The following CRACR2A variants were observed in gnomAD, a reference collection of about 807,000 sequenced individuals.
CRACR2A encodes the protein EF-hand calcium-binding domain-containing protein 4B.
In CRACR2A, 79 loss-of-function variants were observed where a neutral mutation model predicts 90.5. That is an observed-to-expected ratio of 0.87 (90% CI 0.73 to 1.05). CRACR2A has a LOEUF of 1.05. CRACR2A is among the 50% of genes least tolerant of loss of function. The probability of loss-of-function intolerance (pLI) is 0.00; values close to 1 mark genes in which losing one functional copy is unlikely to be tolerated. For missense variants in CRACR2A, 823 were observed against 897.2 expected (o/e 0.92, Z 1.06); for synonymous variants, 338 against 356.7 (o/e 0.95, Z 0.59).
intron 15 of CRACR2A, among the ~76,000 whole-genome samples, chr12:3,629,617 C>A (rs556079264): frequency 6.6e-6 from 1 of 152,306 alleles, no homozygotes; most frequent in Admixed American, 6.5e-5. Flanking sequence ...GCAGCTGGGT[C>A]CTGGCTGCCC....
At position 3,644,632 on chromosome 12, in the gene CRACR2A, T is replaced by C. The variant is rs1248948615; in HGVS notation, c.1127A>G (p.Asn376Ser). The change falls in exon 12 of 20, where the codon AAC becomes AGC. Residue 376 changes from asparagine to serine, a missense_variant. Asn to Ser is a conservative substitution (Grantham distance 46). Coordinates refer to ENST00000440314, the MANE Select transcript of CRACR2A (RefSeq NM_001144958.2). ...LKQLDFLRER[N>S]KHLRDERDIC... ...GTCCCGTTCATCCCGAAGGTGCTTG[T>C]TCCTTTCCCTGTGGATGGTAAAGGG... is the stretch of plus-strand genomic sequence containing the variant. The C allele has an allele frequency of 6.4e-7, 1 of 1,551,522 alleles. No homozygotes were observed. Among genetic ancestry groups the C allele is most frequent in the African/African-American group, 1.4e-5 (1 of 73,026 alleles).
At chr12:3,678,671 A>G (rs1945382541) in intron 6 of CRACR2A, among the ~76,000 whole-genome samples, 1 of 151,978 alleles carries the variant, frequency 6.6e-6, no homozygotes, top group African/African-American at 2.4e-5. Flanking sequence ...GGGGTGGGAG[A>G]GAAGGAGAAT....
At position 3,646,616 on chromosome 12, in the gene CRACR2A, C is replaced by T. The variant is rs1944691799; in HGVS notation, c.1118+1926G>A. Among the ~76,000 whole-genome samples, 5 of 152,166 alleles carry T rather than the reference C, an allele frequency of 3.3e-5. No homozygotes were observed. The South Asian group carries it at 8.3e-4, about 25-fold the overall frequency. On this transcript the variant is annotated intron_variant, in intron 11 of 19. Transcript: ENST00000440314. ...CACAGCCAGGGCCTTCAGAATAAGT[C>T]AGGAGGGACATGGAGGTTATTTCAC...
intron 15 of CRACR2A, among the ~76,000 whole-genome samples, chr12:3,629,619 T>C (rs1318267772): frequency 6.6e-6 from 1 of 152,202 alleles, no homozygotes; most frequent in Non-Finnish European, 1.5e-5. Flanking sequence ...AGCTGGGTCC[T>C]GGCTGCCCTC....
intron 2 of CRACR2A, among the ~76,000 whole-genome samples, chr12:3,720,668 C>A (rs1276613953): frequency 6.6e-6 from 1 of 152,156 alleles, no homozygotes; most frequent in African/African-American, 2.4e-5. Context: ...CTGGTCCCAG[C>A]CTCCCTACCC....
At chr12:3,718,183 T>A (rs547231958) in intron 2 of CRACR2A, among the ~76,000 whole-genome samples, 1 of 152,336 alleles carries the variant, frequency 6.6e-6, no homozygotes, top group South Asian at 2.1e-4. Flanking sequence ...ACTTAGTGCT[T>A]TAAGTGCTAA....
intron 4 of CRACR2A, among the ~76,000 whole-genome samples, chr12:3,684,480 T>C (rs1429235516): frequency 6.6e-6 from 1 of 152,168 alleles, no homozygotes; most frequent in Non-Finnish European, 1.5e-5. Flanking sequence ...TCCTGTGTAT[T>C]ACAGGATATG....
chr12:3,654,340 G>C lies in CRACR2A; in HGVS notation c.918C>G (p.Thr306=). 1 of 1,613,906 alleles carries C rather than the reference G, an allele frequency of 6.2e-7. No homozygotes were observed. Among genetic ancestry groups the C allele is most frequent in the South Asian group, 1.1e-5 (1 of 91,048 alleles). Residue 306 remains threonine, a synonymous_variant, in exon 10 of 20, where the codon ACC becomes ACG. Transcript: ENST00000440314. ...HDKHETKAEN[T]KLKLTNQELA... is the part of the protein sequence containing the mutation. ...GCTCCTGGTTAGTGAGTTTCAGCTT[G>C]GTATTCTCAGCCTTGGTCTCATGCT...
At chr12:3,650,352 C>T (rs1944772942) in intron 10 of CRACR2A, among the ~76,000 whole-genome samples, 1 of 152,196 alleles carries the variant, frequency 6.6e-6, no homozygotes, top group Non-Finnish European at 1.5e-5. Flanking sequence ...AGTTAATTTA[C>T]AGCAATAACA....
chr12:3,725,292 TC>T (rs1277954346), intron 2 of CRACR2A, among the ~76,000 whole-genome samples: 3 of 140,612 alleles, frequency 2.1e-5, no homozygotes, highest in Non-Finnish European at 3.2e-5. Context: ...AAGTCCTAAA[TC>T]AAGGTGACTG....
At chr12:3,710,546 G>A (rs1945992404) in intron 3 of CRACR2A, among the ~76,000 whole-genome samples, 1 of 152,096 alleles carries the variant, frequency 6.6e-6, no homozygotes, top group Admixed American at 6.6e-5. Context: ...TATAATTGCA[G>A]CACTTTGGGA....
At chr12:3,641,661 A>G (rs1325380876) in intron 13 of CRACR2A, 71 bp downstream of exon 13, 4 of 1,373,476 alleles carry the variant, frequency 2.9e-6, no homozygotes, top group African/African-American at 1.4e-5. Context: ...GCAGGCACTG[A>G]GTATGGGCCC....
intron 11 of CRACR2A, among the ~76,000 whole-genome samples, chr12:3,645,300 AGAG>A (rs746533185): frequency 1.6e-4 from 24 of 152,366 alleles, no homozygotes; most frequent in Non-Finnish European, 3.2e-4. Context: ...CATTCCAGGC[AGAG>A]GAGAGGCTAG....
chr12:3,692,957 G>C (rs867560200), intron 4 of CRACR2A, among the ~76,000 whole-genome samples: 9 of 152,204 alleles, frequency 5.9e-5, no homozygotes, highest in Admixed American at 6.5e-5. Context: ...GTTGGCATCA[G>C]AGTGGGGCAC....
At chr12:3,654,128 G>A (rs892653511) in intron 10 of CRACR2A, 84 bp downstream of exon 10, 3 of 1,498,752 alleles carry the variant, frequency 2.0e-6, no homozygotes, top group African/African-American at 2.8e-5. Context: ...CAAGGAGACA[G>A]GGTCTCTGAG....
chr12:3,636,240 T>G (rs904587936), intron 14 of CRACR2A, among the ~76,000 whole-genome samples: 9 of 152,246 alleles, frequency 5.9e-5, no homozygotes, highest in African/African-American at 2.2e-4. Context: ...CCAGAAGGGT[T>G]GTACCAATTT....
At chr12:3,643,856 T>TAAATATAAATA (rs1478137267) in intron 12 of CRACR2A, among the ~76,000 whole-genome samples, 1 of 67,354 alleles carries the variant, frequency 1.5e-5, no homozygotes, top group Non-Finnish European at 2.5e-5. Context: ...TATTATATAT[T>TAAATATAAATA]TATATTATAT....
intron 17 of CRACR2A, among the ~76,000 whole-genome samples, chr12:3,623,530 G>A (rs1297778694): frequency 1.3e-5 from 2 of 152,178 alleles, no homozygotes; most frequent in African/African-American, 4.8e-5. Flanking sequence ...ACAGGCCCCA[G>A]AGTCTTCTGA....
chr12:3,615,409 TCTCA>T lies in CRACR2A; in HGVS notation c.2138_2141del (p.Val713GlufsTer?), dbSNP rs1349024174. ...GGTGGCCGACCTGAATGGTGTCCTCTCTCACTGTGTCTTCTTGCTCCTTGAGGAA... is the reference window on the plus strand; with the variant it reads ...GGTGGCCGACCTGAATGGTGTCCTCTCTGTGTCTTCTTGCTCCTTGAGGAA... On this transcript the variant is annotated frameshift_variant, in exon 20 of 20. Coordinates refer to ENST00000440314, the MANE Select transcript of CRACR2A (RefSeq NM_001144958.2). LOFTEE classifies it high-confidence loss of function. The T allele has an allele frequency of 2.6e-6, 4 of 1,551,238 alleles. No homozygotes were observed. The highest frequency in any genetic ancestry group is 1.4e-5 in the African/African-American group (1 of 73,124).
Sources: allele counts gnomAD v4.1 joint callset (sites outside exome capture counted in the v4.1 genomes callset), GRCh38; gene constraint gnomAD v4.1.1; transcripts MANE v1.5; gene names NCBI Gene and HGNC (gene_info 2026-07-23, HGNC 2026-07-21).